The following TLL2 variants were observed in gnomAD, a reference collection of about 807,000 sequenced individuals.
TLL2 encodes the protein tolloid like 2.
Under a neutral mutation model 123.0 loss-of-function variants are expected in TLL2, and 106 were observed. The ratio of observed to expected loss-of-function variants is 0.86; its 90% CI spans 0.74 to 1.01. TLL2 has a LOEUF of 1.01. Among genes scored for constraint, TLL2 ranks in the 50% least tolerant of loss-of-function variants. The pLI is 0.00. For synonymous variants in TLL2, 494 were observed against 516.8 expected (o/e 0.96, Z 0.60); for missense variants, 1,332 against 1,336.7 (o/e 1.00, Z 0.06).
intron 3 of TLL2, among the ~76,000 whole-genome samples, chr10:96,443,200 C>T (rs1846865936): frequency 6.6e-6 from 1 of 152,188 alleles, no homozygotes; most frequent in Admixed American, 6.5e-5. Flanking sequence ...GAGGTCATGC[C>T]ACTTCTCTCG....
intron 2 of TLL2, among the ~76,000 whole-genome samples, chr10:96,461,664 T>C (rs752881122): frequency 6.6e-6 from 1 of 152,228 alleles, no homozygotes; most frequent in East Asian, 1.9e-4. Context: ...GCAACCCTGA[T>C]GAAAATCCTT....
chr10:96,427,752 T>C (rs1846692109), intron 5 of TLL2, among the ~76,000 whole-genome samples: 1 of 152,196 alleles, frequency 6.6e-6, no homozygotes, highest in Non-Finnish European at 1.5e-5. Flanking sequence ...ATCTTATGTA[T>C]AGACCATGTA....
rs115977583 is a variant in TLL2 at position 96,494,122 on chromosome 10, C to A, written c.176-13663G>T. The stretch of plus-strand genomic sequence containing the variant: ...CCTGGCCAGCCGGGGACAGCCCGGG[C>A]GGCTGCTTTCAAGGGACAGAGTGCA... On this transcript the variant is annotated intron_variant, in intron 1 of 20. Transcript: ENST00000357947. 5.2e-3 allele frequency among the ~76,000 whole-genome samples: 797 copies of A among 152,298 alleles called. 9 individuals are homozygous for A. The highest frequency in any genetic ancestry group is 0.017 in the African/African-American group (691 of 41,566).
chr10:96,506,769 C>T (rs1847583324), intron 1 of TLL2, among the ~76,000 whole-genome samples: 1 of 152,006 alleles, frequency 6.6e-6, no homozygotes, highest in South Asian at 2.1e-4. Flanking sequence ...ACACATGCCA[C>T]CCTGAGGGAA....
intron 1 of TLL2, among the ~76,000 whole-genome samples, chr10:96,503,609 G>A (rs971668174): frequency 6.6e-6 from 1 of 152,202 alleles, no homozygotes; most frequent in Non-Finnish European, 1.5e-5. Flanking sequence ...CTGTGGAGGT[G>A]AGGAGAGTGG....
At chr10:96,440,127 AC>A (rs1392897398) in intron 3 of TLL2, among the ~76,000 whole-genome samples, 1 of 152,102 alleles carries the variant, frequency 6.6e-6, no homozygotes, top group African/African-American at 2.4e-5. Context: ...TAGATGACCT[AC>A]CTGCCCTCTA....
At chr10:96,476,248 T>TTTTTTTG (rs1285354320) in intron 2 of TLL2, among the ~76,000 whole-genome samples, 1,340 of 69,034 alleles carry the variant, frequency 0.019, 109 homozygotes, top group Middle Eastern at 0.051. Flanking sequence ...ATATTTTATT[T>TTTTTTTG]TTGTTGTTGT....
rs1847298989 is a variant in TLL2, at chr10:96,480,277, G to T, written c.286+72C>A. On this transcript the variant is annotated intron_variant, in intron 2 of 20. Coordinates refer to ENST00000357947, the MANE Select transcript of TLL2 (RefSeq NM_012465.4). ...GCAAGTCAAACACCGATGACTCGTG[G>T]ACCACATCTCCCCCTGCTGAAGTCC... 6.3e-6 allele frequency: 8 copies of T among 1,274,194 alleles called. No homozygotes were observed. In the South Asian group the frequency reaches 8.5e-5, roughly 14 times the overall value. 78.9% of individuals were successfully genotyped at this position (1,274,194 alleles called of 1,614,324 possible).
chr10:96,426,765 CAATT>C (rs141091865), intron 5 of TLL2, among the ~76,000 whole-genome samples: 5,858 of 152,232 alleles, frequency 0.038, 366 homozygotes, highest in African/African-American at 0.13. Flanking sequence ...TATTTTGTCT[CAATT>C]AAACTAACAA....
chr10:96,391,118 C>T (rs997110130), intron 13 of TLL2, among the ~76,000 whole-genome samples: 1 of 152,154 alleles, frequency 6.6e-6, no homozygotes, highest in Non-Finnish European at 1.5e-5. Context: ...TGGTCGCTCA[C>T]CCACTCTTCT....
rs150191941 is a variant in TLL2, at chr10:96,392,387, G to C, written c.1726+2800C>G. On this transcript the variant is annotated intron_variant, in intron 13 of 20. Transcript: ENST00000357947. ...CTTCTCAGCACAGTATGTGATATTTGGGACACATACTAAAAAAAAATCATT... is the reference window on the plus strand; with the variant it reads ...CTTCTCAGCACAGTATGTGATATTTCGGACACATACTAAAAAAAAATCATT... Among the ~76,000 whole-genome samples, 340 of 151,574 alleles carry C rather than the reference G, an allele frequency of 2.2e-3. 3 individuals carry two copies. The highest frequency in any genetic ancestry group is 8.0e-3 in the African/African-American group (332 of 41,340).
intron 8 of TLL2, among the ~76,000 whole-genome samples, chr10:96,411,566 C>A (rs1846507632): frequency 6.6e-6 from 1 of 152,184 alleles, no homozygotes; most frequent in African/African-American, 2.4e-5. Context: ...TGAAGGGTAC[C>A]TGTATGAATC....
intron 14 of TLL2, 103 bp from the exon 15 acceptor site, chr10:96,386,318 A>G: frequency 8.1e-7 from 1 of 1,240,208 alleles, no homozygotes; most frequent in Non-Finnish European, 1.1e-6. Flanking sequence ...AATAATTTTA[A>G]AATGTTAGAC....
chr10:96,419,631 G>A (rs1472822906), intron 7 of TLL2, among the ~76,000 whole-genome samples: 1 of 152,186 alleles, frequency 6.6e-6, no homozygotes, highest in African/African-American at 2.4e-5. Flanking sequence ...ATGTCTAGGT[G>A]CAGGATAGAG....
rs57395382 is a variant in TLL2 at position 96,380,692 on chromosome 10, CAAAAAAAA to C, written c.2195-1608_2195-1601del. ...TGGGCGACAGAGCGAGACTCTATCTCAAAAAAAAAAAAAAAAAAAAAAAAAAAAAAAGA... is the reference window on the plus strand; with the variant it reads ...TGGGCGACAGAGCGAGACTCTATCTCAAAAAAAAAAAAAAAAAAAAAAAGA... On this transcript the variant is annotated intron_variant, in intron 16 of 20. Coordinates refer to ENST00000357947, the MANE Select transcript of TLL2 (RefSeq NM_012465.4). 4.6e-3 allele frequency among the ~76,000 whole-genome samples: 246 copies of C among 53,100 alleles called. 2 individuals carry two copies. The highest frequency in any genetic ancestry group is 6.7e-3 in the Non-Finnish European group (202 of 30,290). The allele number at this position is 53,100 out of a possible 152,430, so 34.8% of individuals were successfully genotyped here.
At chr10:96,419,810 A>G (rs1344616663) in intron 7 of TLL2, among the ~76,000 whole-genome samples, 1 of 151,874 alleles carries the variant, frequency 6.6e-6, no homozygotes, top group African/African-American at 2.4e-5. Flanking sequence ...TGTCCCTTTC[A>G]CTCCCAAGAG....
At position 96,496,558 on chromosome 10, in the gene TLL2, C is replaced by A. The variant is rs532517624; in HGVS notation, c.176-16099G>T. On this transcript the variant is annotated intron_variant, in intron 1 of 20. Transcript: ENST00000357947. ...ATGAGCCAAGGGGGTCTGGCTGGTA[C>A]CTGGGCTGGCGACCACCTTGCTTAA... Among the ~76,000 whole-genome samples the A allele has an allele frequency of 5.9e-5, 9 of 152,252 alleles. No individual in the cohort carries two copies. The East Asian group carries it at 1.5e-3, about 26-fold the overall frequency.
intron 1 of TLL2, among the ~76,000 whole-genome samples, chr10:96,488,998 G>A (rs1187636397): frequency 2.6e-5 from 4 of 152,240 alleles, no homozygotes; most frequent in Admixed American, 1.3e-4. Flanking sequence ...TCAGAGAGAA[G>A]AGCAGGGCAC....
In TLL2 at chr10:96,388,828, T is replaced by C. The variant is rs571124269; in HGVS notation, c.1727-1750A>G. The stretch of plus-strand genomic sequence containing the variant: ...TAAAGGAGGGTTTGTAAATATCCCA[T>C]CATTTCACATAGGGGACAGTGAACT... On this transcript the variant is annotated intron_variant, in intron 13 of 20. Transcript: ENST00000357947. Among the ~76,000 whole-genome samples, 7 of 152,318 alleles carry C rather than the reference T, an allele frequency of 4.6e-5. No homozygotes were observed. The East Asian group carries it at 1.4e-3, about 29-fold the overall frequency.
Sources: gnomAD v4.1 joint callset for allele counts (sites outside exome capture counted in the v4.1 genomes callset) on GRCh38, gnomAD v4.1.1 for gene constraint, MANE v1.5 for transcripts, NCBI Gene and HGNC (gene_info 2026-07-23, HGNC 2026-07-21) for gene names.